The following SNCAIP variants were observed in gnomAD, a reference collection of about 807,000 sequenced individuals.
SNCAIP encodes the protein synuclein alpha interacting protein, also known as synphilin-1.
A neutral mutation model predicts 86.7 loss-of-function variants in SNCAIP; 43 were observed. The ratio of observed to expected loss-of-function variants is 0.50; its 90% CI spans 0.39 to 0.64. The LOEUF (loss-of-function observed/expected upper bound fraction) is 0.64. Ranked by LOEUF, SNCAIP falls within the 30% of genes least tolerant of loss-of-function variation. SNCAIP has a pLI of 0.00. For synonymous variants in SNCAIP, 417 were observed against 427.2 expected (o/e 0.98, Z 0.29); for missense variants, 981 against 1,103.1 (o/e 0.89, Z 1.57).
chr5:122,456,589 C>T (rs1784816414), intron 10 of SNCAIP, among the ~76,000 whole-genome samples: 1 of 152,212 alleles, frequency 6.6e-6, no homozygotes, highest in Non-Finnish European at 1.5e-5. Flanking sequence ...CTCAGCCCCA[C>T]TAAAAAGCAT....
chr5:122,461,717 C>G (rs1165139879), intron 10 of SNCAIP, among the ~76,000 whole-genome samples: 2 of 139,562 alleles, frequency 1.4e-5, no homozygotes, highest in African/African-American at 5.3e-5. Flanking sequence ...CTTGCTCTGT[C>G]ACCCAGGCTG....
intron 1 of SNCAIP, among the ~76,000 whole-genome samples, chr5:122,390,026 G>A (rs555371371): frequency 1.3e-5 from 2 of 152,142 alleles, no homozygotes; most frequent in South Asian, 2.1e-4. Context: ...GTCTTTTATC[G>A]GGAGGCCCAT....
At chr5:122,378,086 C>T (rs1181246832) in intron 1 of SNCAIP, among the ~76,000 whole-genome samples, 1 of 147,350 alleles carries the variant, frequency 6.8e-6, no homozygotes, top group Non-Finnish European at 1.5e-5. Flanking sequence ...AATGGTATTT[C>T]TAGTTCTAGA....
chr5:122,391,393 T>C (rs940248535), intron 2 of SNCAIP, among the ~76,000 whole-genome samples: 7 of 152,236 alleles, frequency 4.6e-5, no homozygotes, highest in African/African-American at 1.4e-4. Flanking sequence ...GTGTGTGTTT[T>C]GGAAGATGAG....
Position 122,425,508 on chromosome 5 carries a change from A to C in SNCAIP, c.1159A>C (p.Thr387Pro). 6.2e-7 allele frequency: 1 copy of C among 1,614,016 alleles called. No homozygotes were observed. The highest frequency in any genetic ancestry group is 8.5e-7 in the Non-Finnish European group (1 of 1,179,974). ...CAATGAGCGCAACACTGAGAAGTTGACTCCAGCAGGCCTGGCCATTAAGGT... is the reference window on the plus strand; with the variant it reads ...CAATGAGCGCAACACTGAGAAGTTGCCTCCAGCAGGCCTGGCCATTAAGGT... The part of the protein sequence containing the change: ...CLNERNTEKL[T>P]PAGLAIKNGQ... Residue 387 changes from threonine (T) to proline (P), a missense_variant, in exon 5 of 11, where the codon ACT becomes CCT. By Grantham distance (38) the Thr-to-Pro change is conservative. Transcript: ENST00000261368.
chr5:122,425,545 G>A lies in SNCAIP; in HGVS notation c.1182+14G>A, dbSNP rs547011141. Reference sequence around the variant, plus strand: ...CTGGCCATTAAGGTGACTGGTTGGGGGCTGGAACCTCCACAGCTAGAAGCT... The same window carrying A: ...CTGGCCATTAAGGTGACTGGTTGGGAGCTGGAACCTCCACAGCTAGAAGCT... On this transcript the variant is annotated intron_variant, in intron 5 of 10. Coordinates refer to ENST00000261368, the MANE Select transcript of SNCAIP (RefSeq NM_005460.4). The A allele has an allele frequency of 1.2e-6, 2 of 1,609,654 alleles. No homozygotes were observed. Among genetic ancestry groups the A allele is most frequent in the South Asian group, 1.1e-5 (1 of 90,984 alleles).
intron 1 of SNCAIP, among the ~76,000 whole-genome samples, chr5:122,378,290 G>A (rs1347210825): frequency 7.0e-6 from 1 of 142,758 alleles, no homozygotes; most frequent in Non-Finnish European, 1.5e-5. Flanking sequence ...CTGATGGCCA[G>A]TGATGATGAG....
chr5:122,440,659 A>T lies in SNCAIP; in HGVS notation c.1327A>T (p.Met443Leu), dbSNP rs760217840. ...GATTCTTCTGTGGCTTCTTCAGTTT[A>T]TGCAAGAACAGGGCATCTCGTTGGA... ...EKILLWLLQF[M>L]QEQGISLDEV... Residue 443 changes from methionine to leucine, a missense_variant, in exon 7 of 11, where the codon ATG becomes TTG. Physicochemically the swap from Met to Leu is conservative, Grantham distance 15 (BLOSUM62 2). Transcript: ENST00000261368. 6.2e-7 allele frequency: 1 copy of T among 1,613,932 alleles called. No individual in the cohort carries two copies. Among genetic ancestry groups the T allele is most frequent in the Non-Finnish European group, 8.5e-7 (1 of 1,179,794 alleles).
At chr5:122,343,852 A>T (rs1657061354) in intron 1 of SNCAIP, among the ~76,000 whole-genome samples, 1 of 152,224 alleles carries the variant, frequency 6.6e-6, no homozygotes, top group African/African-American at 2.4e-5. Flanking sequence ...CTGGCTGAGA[A>T]CCAGTTCTTG....
chr5:122,347,815 A>G (rs73283477), intron 1 of SNCAIP, among the ~76,000 whole-genome samples: 1,696 of 152,222 alleles, frequency 0.011, 26 homozygotes, highest in African/African-American at 0.039. Flanking sequence ...ACATAGGACC[A>G]TGAAGTTCTG....
chr5:122,445,614 T>G (rs184985485), intron 8 of SNCAIP, among the ~76,000 whole-genome samples: 220 of 150,434 alleles, frequency 1.5e-3, no homozygotes, highest in Non-Finnish European at 2.1e-3. Flanking sequence ...AAATTAAATT[T>G]TAGAGGGAAA....
intron 1 of SNCAIP, among the ~76,000 whole-genome samples, chr5:122,362,021 A>G (rs1762310322): frequency 6.6e-6 from 1 of 152,222 alleles, no homozygotes; most frequent in Admixed American, 6.5e-5. Context: ...GTGGAATCCT[A>G]ATTTCCTAAT....
intron 3 of SNCAIP, among the ~76,000 whole-genome samples, chr5:122,405,331 A>C (rs192792797): frequency 5.7e-4 from 87 of 152,348 alleles, no homozygotes; most frequent in Non-Finnish European, 1.1e-3. Flanking sequence ...TGCAGACACA[A>C]GATTTTCTTT....
chr5:122,374,525 A>G (rs894337782), intron 1 of SNCAIP, among the ~76,000 whole-genome samples: 1 of 152,154 alleles, frequency 6.6e-6, no homozygotes, highest in Non-Finnish European at 1.5e-5. Flanking sequence ...AGACCCTGTC[A>G]TTGGAGAGTA....
At chr5:122,440,423 C>T (rs1780609144) in intron 6 of SNCAIP, 2 of 572,424 alleles carry the variant, frequency 3.5e-6, no homozygotes, top group African/African-American at 3.8e-5. Context: ...GCTTCCTGCT[C>T]TTAAAATTCT....
chr5:122,347,482 A>G (rs777680936), intron 1 of SNCAIP, among the ~76,000 whole-genome samples: 1 of 143,850 alleles, frequency 7.0e-6, no homozygotes, highest in Admixed American at 7.2e-5. Context: ...GTGTTTTTCT[A>G]TGTGTATTCA....
chr5:122,453,493 T>G lies in SNCAIP; in HGVS notation c.2754+1892T>G, dbSNP rs868417061. On this transcript the variant is annotated intron_variant, in intron 10 of 10. Coordinates refer to ENST00000261368, the MANE Select transcript of SNCAIP (RefSeq NM_005460.4). ...CTGAAATTTCTCTGTGTTAGCATTATGAACACGATTTCAGTCCATGAGCCA... is the reference window on the plus strand; with the variant it reads ...CTGAAATTTCTCTGTGTTAGCATTAGGAACACGATTTCAGTCCATGAGCCA... Among the ~76,000 whole-genome samples the G allele has an allele frequency of 3.9e-5, 6 of 152,352 alleles. No homozygotes were observed. The South Asian group carries it at 1.2e-3, about 32-fold the overall frequency.
intron 4 of SNCAIP, among the ~76,000 whole-genome samples, chr5:122,424,530 T>C (rs541553502): frequency 4.6e-5 from 7 of 152,348 alleles, no homozygotes; most frequent in African/African-American, 1.7e-4. Context: ...TATAAAGCCA[T>C]GCATACTTAA....
At chr5:122,344,060 T>G (rs1213503473) in intron 1 of SNCAIP, among the ~76,000 whole-genome samples, 1 of 152,216 alleles carries the variant, frequency 6.6e-6, no homozygotes, top group Non-Finnish European at 1.5e-5. Context: ...TGTGACTGTC[T>G]CTCTCACTTA....
Sources: allele counts gnomAD v4.1 joint callset (sites outside exome capture counted in the v4.1 genomes callset), GRCh38; gene constraint gnomAD v4.1.1; transcripts MANE v1.5; gene names NCBI Gene and HGNC (gene_info 2026-07-23, HGNC 2026-07-21).